LRRC49: variants seen among roughly 807,000 people sequenced by gnomAD.
The protein encoded by LRRC49 is leucine rich repeat containing 49.
In LRRC49, 50 loss-of-function variants were observed where a neutral mutation model predicts 83.3. The ratio of observed to expected loss-of-function variants is 0.60; its 90% CI spans 0.48 to 0.76. The LOEUF is 0.76. Ranked by LOEUF, LRRC49 falls within the 30% of genes least tolerant of loss-of-function variation. The pLI is 0.00. For synonymous variants in LRRC49, 286 were observed against 283.3 expected (o/e 1.01, Z -0.10); for missense variants, 704 against 809.1 (o/e 0.87, Z 1.58).
At chr15:70,988,768 C>G (rs906377416) in intron 11 of LRRC49, among the ~76,000 whole-genome samples, 8 of 152,180 alleles carry the variant, frequency 5.3e-5, no homozygotes, top group Non-Finnish European at 1.0e-4. Flanking sequence ...TTTGCAGTGG[C>G]TGGTACCGGT....
chr15:70,990,176 G>T (rs546810055), intron 11 of LRRC49, among the ~76,000 whole-genome samples: 6 of 152,204 alleles, frequency 3.9e-5, no homozygotes, highest in Non-Finnish European at 7.3e-5. Flanking sequence ...GTCAGATAGG[G>T]ACATTTAAGT....
intron 11 of LRRC49, among the ~76,000 whole-genome samples, chr15:70,997,425 A>C (rs1369778157): frequency 6.6e-6 from 1 of 151,906 alleles, no homozygotes; most frequent in Non-Finnish European, 1.5e-5. Flanking sequence ...GTGTCTTTTA[A>C]TCCTGTAGAA....
At chr15:70,904,890 G>A in intron 5 of LRRC49, 135 bp downstream of exon 5, 1 of 604,026 alleles carries the variant, frequency 1.7e-6, no homozygotes, top group South Asian at 2.5e-5. Flanking sequence ...TTAGTTGAAT[G>A]GATTAAGATC....
upstream of LRRC49, among the ~76,000 whole-genome samples, chr15:70,890,988 A>G (rs77264198): frequency 4.8e-4 from 73 of 152,262 alleles, no homozygotes; most frequent in Non-Finnish European, 8.1e-4. Flanking sequence ...AAGGGTCTTA[A>G]ATACCCACCC....
chr15:71,030,414 G>A (rs1333969926), intron 14 of LRRC49, among the ~76,000 whole-genome samples: 1 of 152,100 alleles, frequency 6.6e-6, no homozygotes, highest in Non-Finnish European at 1.5e-5. Context: ...TCCCTTTGTG[G>A]GTAACCTGAG....
intron 15 of LRRC49, among the ~76,000 whole-genome samples, chr15:71,037,977 T>TGAAGGTAACTATGTAGTATTTACATC (rs2039576673): frequency 6.6e-6 from 1 of 152,064 alleles, no homozygotes; most frequent in Non-Finnish European, 1.5e-5. Context: ...TTGATGGAGC[T>TGAAGGTAACTATGTAGTATTTACATC]CATAGGAAAG....
chr15:70,963,650 G>A lies in LRRC49; in HGVS notation c.774-135G>A, dbSNP rs2036687633. On this transcript the variant is annotated intron_variant, in intron 8 of 15. Coordinates refer to ENST00000260382, the MANE Select transcript of LRRC49 (RefSeq NM_017691.5). ...TTAGCAATAGGGGAAACTGGGTATG[G>A]GGTATAGGGGAACTCTGTACTATCT... 3.3e-5 allele frequency: 28 copies of A among 840,172 alleles called. No homozygotes were observed. In the South Asian group the frequency reaches 5.4e-4, roughly 16 times the overall value. 52.0% of individuals were successfully genotyped at this position (840,172 alleles called of 1,614,324 possible).
chr15:70,878,401 G>C (rs2033196899), intron 2 of LRRC49, among the ~76,000 whole-genome samples: 2 of 152,098 alleles, frequency 1.3e-5, no homozygotes, highest in African/African-American at 4.8e-5. Context: ...TTAAACATCT[G>C]TGCATTTTGT....
At chr15:70,907,774 G>A (rs554970909) in intron 5 of LRRC49, 62 of 358,004 alleles carry the variant, frequency 1.7e-4, no homozygotes, top group South Asian at 1.3e-3. Flanking sequence ...CAGGTGATGG[G>A]TGAGCCTCAT....
At position 70,885,073 on chromosome 15, in the gene LRRC49, A is replaced by G. The variant is rs150614542; in HGVS notation, c.19-8511A>G. Among the ~76,000 whole-genome samples, 233 of 152,310 alleles carry G rather than the reference A, an allele frequency of 1.5e-3. 1 individual carries two copies. The highest frequency in any genetic ancestry group is 0.013 in the East Asian group (65 of 5,188). On this transcript the variant is annotated intron_variant, in intron 2 of 16. Coordinates refer to the LRRC49 transcript ENST00000544974. ...ATACTACAATTTATTAAAACAATCC[A>G]TATTACTAGGAATATTTGAACATAA... is the stretch of plus-strand genomic sequence containing the variant.
intron 8 of LRRC49, among the ~76,000 whole-genome samples, chr15:70,942,373 A>G (rs2035853024): frequency 6.6e-6 from 1 of 152,226 alleles, no homozygotes; most frequent in East Asian, 1.9e-4. Flanking sequence ...ACAAACAAGT[A>G]TGATAAATTG....
chr15:70,893,633 AAAAC>A lies in LRRC49; in HGVS notation c.102_105del (p.Asn34LysfsTer6), dbSNP rs1193433156. 1.9e-6 allele frequency: 3 copies of A among 1,609,900 alleles called. No homozygotes were observed. Among genetic ancestry groups the A allele is most frequent in the African/African-American group, 2.7e-5 (2 of 74,796 alleles). ...ATTCAAACATCATCGCTTCCTGAAA[AAAAC>A]AAAGTAAGATTTAAGAAGGTTGGCA... On this transcript the variant is annotated frameshift_variant, in exon 2 of 16. Coordinates refer to ENST00000260382, the MANE Select transcript of LRRC49 (RefSeq NM_017691.5). LOFTEE classifies it high-confidence loss of function.
chr15:70,972,932 T>G (rs1398486241), intron 9 of LRRC49, among the ~76,000 whole-genome samples: 1 of 152,146 alleles, frequency 6.6e-6, no homozygotes, highest in Non-Finnish European at 1.5e-5. Flanking sequence ...GGTTAGAACA[T>G]GCTCCTTTAG....
chr15:70,948,238 A>G (rs1332849769), intron 8 of LRRC49, among the ~76,000 whole-genome samples: 4 of 152,034 alleles, frequency 2.6e-5, no homozygotes, highest in Admixed American at 2.0e-4. Context: ...TGTCCCTCTC[A>G]GAGAGTTCAT....
In LRRC49 at chr15:71,028,017, C is replaced by T. The variant is rs571328798; in HGVS notation, c.1704-9162C>T. 8.5e-5 allele frequency among the ~76,000 whole-genome samples: 13 copies of T among 152,064 alleles called. No individual in the cohort carries two copies. In the East Asian group the frequency reaches 1.7e-3, roughly 20 times the overall value. ...GTGGTGAGAGAGGGCATCCTTGTCT[C>T]GTTACAGTTATCAAAGGGAATGCTT... is the stretch of plus-strand genomic sequence containing the variant. On this transcript the variant is annotated intron_variant, in intron 14 of 15. Transcript: ENST00000260382.
intron 8 of LRRC49, among the ~76,000 whole-genome samples, chr15:70,952,713 A>G (rs535679550): frequency 6.6e-6 from 1 of 152,076 alleles, no homozygotes; most frequent in Admixed American, 6.5e-5. Flanking sequence ...TGATCTGTCT[A>G]ATGCTATTAG....
chr15:70,902,147 C>T (rs959886307), intron 4 of LRRC49, among the ~76,000 whole-genome samples: 2 of 152,112 alleles, frequency 1.3e-5, no homozygotes, highest in Non-Finnish European at 2.9e-5. Flanking sequence ...ATATTTATAA[C>T]TTTCATGGTA....
In LRRC49 at chr15:70,911,600, TATTGTA is replaced by T; in HGVS notation, c.567+4_567+9del. The T allele has an allele frequency of 4.5e-6, 7 of 1,545,700 alleles. No individual in the cohort carries two copies. The highest frequency in any genetic ancestry group is 5.3e-6 in the Non-Finnish European group (6 of 1,138,806). On this transcript the variant is annotated splice_donor_5th_base_variant and intron_variant, in intron 6 of 15. Coordinates refer to ENST00000260382, the MANE Select transcript of LRRC49 (RefSeq NM_017691.5). ...GTCTTGGATCTTCATGGAAATCAGG[TATTGTA>T]AAGCCCTTTCATTTCTTTCTTTTTT...
At chr15:70,976,697 C>A (rs968627887) in intron 9 of LRRC49, among the ~76,000 whole-genome samples, 13 of 152,074 alleles carry the variant, frequency 8.5e-5, no homozygotes, top group Non-Finnish European at 1.0e-4. Flanking sequence ...GATTCCCCCC[C>A]CAACTTATTT....
Sources: gnomAD v4.1 joint callset for allele counts (sites outside exome capture counted in the v4.1 genomes callset) on GRCh38, gnomAD v4.1.1 for gene constraint, MANE v1.5 for transcripts, NCBI Gene and HGNC (gene_info 2026-07-23, HGNC 2026-07-21) for gene names.